LINGO2: variants seen among roughly 807,000 people sequenced by gnomAD.
The protein encoded by LINGO2 is leucine rich repeat and Ig domain containing 2.
In LINGO2, 14 loss-of-function variants were observed where a neutral mutation model predicts 30.6. That is an observed-to-expected ratio of 0.46 (90% CI 0.30 to 0.72). LINGO2 has a LOEUF of 0.72. Ranked by LOEUF, LINGO2 falls within the 30% of genes least tolerant of loss-of-function variation. The pLI is 0.07. For synonymous variants in LINGO2, 317 were observed against 288.5 expected (o/e 1.10, Z -1.00); for missense variants, 729 against 751.7 (o/e 0.97, Z 0.35).
At chr9:28,750,765 T>G in the LINGO2 span, among the ~76,000 whole-genome samples, 2 of 152,052 alleles carry the variant, frequency 1.3e-5, no homozygotes, top group Admixed American at 1.3e-4. Context: ...TTAAATAAGA[T>G]CATGTACAAC....
chr9:28,207,553 G>A (rs1271977875), intron 4 of LINGO2, among the ~76,000 whole-genome samples: 1 of 151,960 alleles, frequency 6.6e-6, no homozygotes, highest in Non-Finnish European at 1.5e-5. Flanking sequence ...AGTAAAAAAA[G>A]TCTCCTCTCT....
intron 4 of LINGO2, among the ~76,000 whole-genome samples, chr9:28,040,610 C>A (rs1043963867): frequency 1.3e-5 from 2 of 152,034 alleles, no homozygotes; most frequent in Non-Finnish European, 2.9e-5. Context: ...GCGCTATCAA[C>A]TTCAAATACT....
At chr9:28,062,871 C>T (rs1268986258) in intron 4 of LINGO2, among the ~76,000 whole-genome samples, 1 of 151,886 alleles carries the variant, frequency 6.6e-6, no homozygotes, top group Non-Finnish European at 1.5e-5. Context: ...TTTCTGTACT[C>T]ATTAGCTGTC....
intron 2 of LINGO2, among the ~76,000 whole-genome samples, chr9:28,407,071 A>G (rs962227985): frequency 2.0e-5 from 3 of 152,146 alleles, no homozygotes; most frequent in African/African-American, 4.8e-5. Flanking sequence ...TTCTAGGGCT[A>G]TATGTATATC....
intron 4 of LINGO2, among the ~76,000 whole-genome samples, chr9:28,249,834 A>G (rs1388442624): frequency 6.6e-6 from 1 of 152,198 alleles, no homozygotes; most frequent in Non-Finnish European, 1.5e-5. Flanking sequence ...TTAAAACTCC[A>G]TTTAAATTCT....
intron 5 of LINGO2, among the ~76,000 whole-genome samples, chr9:27,962,644 T>A (rs1487323279): frequency 6.6e-6 from 1 of 152,182 alleles, no homozygotes; most frequent in Non-Finnish European, 1.5e-5. Flanking sequence ...GGAGGAATGT[T>A]GTGCTTTGTT....
the LINGO2 span, among the ~76,000 whole-genome samples, chr9:28,801,147 C>A: frequency 6.6e-6 from 1 of 152,032 alleles, no homozygotes; most frequent in African/African-American, 2.4e-5. Flanking sequence ...AATGACCATG[C>A]AAGAAGCTTG....
chr9:28,795,343 A>G, the LINGO2 span, among the ~76,000 whole-genome samples: 1 of 152,170 alleles, frequency 6.6e-6, no homozygotes, highest in Non-Finnish European at 1.5e-5. Context: ...TTTATATTCA[A>G]TTTGACAGTC....
intron 4 of LINGO2, among the ~76,000 whole-genome samples, chr9:28,266,874 A>G (rs1822769406): frequency 6.6e-6 from 1 of 152,050 alleles, no homozygotes; most frequent in Non-Finnish European, 1.5e-5. Flanking sequence ...TAGCATGTAC[A>G]TCATTATTCC....
At chr9:29,000,083 G>A in the LINGO2 span, among the ~76,000 whole-genome samples, 3 of 152,042 alleles carry the variant, frequency 2.0e-5, no homozygotes, top group East Asian at 5.8e-4. Context: ...GATTAATGAC[G>A]TAATTTTCCA....
chr9:28,094,297 G>T (rs1344798577), intron 4 of LINGO2, among the ~76,000 whole-genome samples: 1 of 152,028 alleles, frequency 6.6e-6, no homozygotes, highest in Admixed American at 6.6e-5. Context: ...TTCTGCTGTT[G>T]CTTGTATTTC....
the LINGO2 span, among the ~76,000 whole-genome samples, chr9:28,930,809 T>A: frequency 5.6e-4 from 86 of 152,290 alleles, 1 homozygote; most frequent in African/African-American, 2.0e-3. This position sits in a 1 kb window ranked among gnomAD's most constrained non-coding sequence, Gnocchi z 4.2. Flanking sequence ...AGACTGACCA[T>A]TAGCCCAGTT....
intron 4 of LINGO2, among the ~76,000 whole-genome samples, chr9:28,041,904 G>A (rs1824213494): frequency 6.6e-6 from 1 of 152,086 alleles, no homozygotes; most frequent in African/African-American, 2.4e-5. Flanking sequence ...CATGATCTTT[G>A]CAGTGAGTCA....
the LINGO2 span, among the ~76,000 whole-genome samples, chr9:28,984,039 GC>G: frequency 7.9e-5 from 12 of 151,940 alleles, no homozygotes; most frequent in Admixed American, 2.6e-4. Context: ...TCAGAAGAAA[GC>G]TTTTTTAAAA....
chr9:28,939,180 A>AGACTACTTAAG, the LINGO2 span, among the ~76,000 whole-genome samples: 2 of 151,148 alleles, frequency 1.3e-5, no homozygotes, highest in Non-Finnish European at 3.0e-5. Context: ...AGGCTACTTA[A>AGACTACTTAAG]GCTACTTAAG....
the LINGO2 span, among the ~76,000 whole-genome samples, chr9:28,700,126 G>A: frequency 0.012 from 1,813 of 151,944 alleles, 40 homozygotes; most frequent in African/African-American, 0.042. Context: ...GCTCAGGTGG[G>A]CATCATGGTC....
the LINGO2 span, among the ~76,000 whole-genome samples, chr9:29,091,026 C>A: frequency 6.6e-6 from 1 of 152,120 alleles, no homozygotes; most frequent in South Asian, 2.1e-4. Flanking sequence ...AACACAAATT[C>A]TTCTGAGCCC....
At chr9:28,120,532 G>C (rs1448012681) in intron 4 of LINGO2, among the ~76,000 whole-genome samples, 3 of 152,008 alleles carry the variant, frequency 2.0e-5, no homozygotes, top group African/African-American at 7.2e-5. Flanking sequence ...AGTGTTAAAG[G>C]GTCCTTTTCT....
chr9:28,472,698 A>G (rs1825574806), intron 2 of LINGO2, among the ~76,000 whole-genome samples: 1 of 151,908 alleles, frequency 6.6e-6, no homozygotes, highest in South Asian at 2.1e-4. Context: ...ATAAATAATT[A>G]CCTACACATT....
Sources: gnomAD v4.1 joint callset for allele counts (sites outside exome capture counted in the v4.1 genomes callset) on GRCh38, gnomAD v4.1.1 for gene constraint, Gnocchi (gnomAD v3.1) non-coding constraint, MANE v1.5 for transcripts, NCBI Gene and HGNC (gene_info 2026-07-23, HGNC 2026-07-21) for gene names.